CSRNP3: variants seen among roughly 807,000 people sequenced by gnomAD.
CSRNP3 encodes cysteine and serine rich nuclear protein 3.
Under a neutral mutation model 48.0 loss-of-function variants are expected in CSRNP3, and 12 were observed. The observed-to-expected ratio is 0.25, with a 90% CI of 0.16 to 0.41. The LOEUF is 0.41. Ranked by LOEUF, CSRNP3 falls within the 10% of genes least tolerant of loss-of-function variation. The pLI is 1.00. For missense variants in CSRNP3, 580 were observed against 724.4 expected, an observed-to-expected ratio of 0.80 and a Z score of 2.29; for synonymous variants, 263 against 269.7, an observed-to-expected ratio of 0.98 and a Z score of 0.24.
chr2:165,613,140 T>C lies in CSRNP3; in HGVS notation c.148+17927T>C, dbSNP rs558829906. On this transcript the variant is annotated intron_variant, in intron 4 of 6. Transcript: ENST00000651982. Reference sequence around the variant, plus strand: ...TAGTTGGAGTGACATGATGTCTGATTGTGGTTTTGATTTGCATTTCTTTGA... The same window carrying C: ...TAGTTGGAGTGACATGATGTCTGATCGTGGTTTTGATTTGCATTTCTTTGA... 9.2e-5 allele frequency among the ~76,000 whole-genome samples: 14 copies of C among 152,266 alleles called. No homozygotes were observed. In the East Asian group the frequency reaches 2.5e-3, roughly 27 times the overall value.
intron 5 of CSRNP3, among the ~76,000 whole-genome samples, chr2:165,670,201 T>C (rs545004175): frequency 1.3e-5 from 2 of 152,306 alleles, no homozygotes; most frequent in Admixed American, 1.3e-4. Flanking sequence ...ACTGCTACTC[T>C]ATTTTCAGAT....
At chr2:165,671,461 G>A (rs1187345719) in intron 5 of CSRNP3, among the ~76,000 whole-genome samples, 1 of 152,192 alleles carries the variant, frequency 6.6e-6, no homozygotes, top group Admixed American at 6.5e-5. Context: ...CAAGGCTTGG[G>A]GCTTGCACCC....
In CSRNP3 at chr2:165,687,761, G is replaced by C. The variant is rs147378115; in HGVS notation, c.*8008G>C. ...AGGCCTGAAAACGAAGGGAGGTGTC[G>C]TGGAGAAATGGTGATTTTTCTGGTT... is the stretch of plus-strand genomic sequence containing the variant. On this transcript the variant is annotated 3_prime_UTR_variant, in exon 7 of 7. Coordinates refer to ENST00000651982, the MANE Select transcript of CSRNP3 (RefSeq NM_001172173.2). 2.2e-3 allele frequency: 341 copies of C among 152,136 alleles called. 1 individual carries two copies. The highest frequency in any genetic ancestry group is 7.9e-3 in the African/African-American group (328 of 41,526). 9.4% of individuals were successfully genotyped at this position (152,136 alleles called of 1,614,324 possible). A position where few individuals can be genotyped will look rare whatever the true frequency, so the allele number is the denominator to read the frequency against.
intron 3 of CSRNP3, among the ~76,000 whole-genome samples, chr2:165,588,583 A>G (rs1441624093): frequency 7.2e-5 from 11 of 152,184 alleles, no homozygotes. Flanking sequence ...CTACACTTAG[A>G]CTTTCAGCTC....
chr2:165,604,894 G>A (rs960095496), intron 4 of CSRNP3, among the ~76,000 whole-genome samples: 2 of 152,090 alleles, frequency 1.3e-5, no homozygotes, highest in African/African-American at 4.8e-5. Flanking sequence ...ATTTGATTTA[G>A]CTCTTTATTT....
rs116525506 is a variant in CSRNP3, at chr2:165,559,654, A to T, written c.-23-35389A>T. Among the ~76,000 whole-genome samples, 583 of 152,260 alleles carry T rather than the reference A, an allele frequency of 3.8e-3. 6 individuals are homozygous for T. Among genetic ancestry groups the T allele is most frequent in the African/African-American group, 0.013 (561 of 41,568 alleles). ...CTCTATTTGTCACCATTTAGCTTTG[A>T]CACATTAGAATGTAAAATAATACAA... On this transcript the variant is annotated intron_variant, in intron 3 of 6. Coordinates refer to ENST00000651982, the MANE Select transcript of CSRNP3 (RefSeq NM_001172173.2).
Position 165,679,855 on chromosome 2 carries a change from T to G in CSRNP3, c.*102T>G. The stretch of plus-strand genomic sequence containing the variant: ...TGTTTAAACTGAAGACCAAGAAAAC[T>G]TGGACGGTGGTTAATCTTCCAGACT... On this transcript the variant is annotated 3_prime_UTR_variant, in exon 7 of 7. Transcript: ENST00000651982. 2 of 1,484,158 alleles carry G rather than the reference T, an allele frequency of 1.3e-6. No individual in the cohort carries two copies. Among genetic ancestry groups the G allele is most frequent in the Non-Finnish European group, 1.8e-6 (2 of 1,111,560 alleles). 91.9% of individuals were successfully genotyped at this position (1,484,158 alleles called of 1,614,324 possible). A position where few individuals can be genotyped will look rare whatever the true frequency, so the allele number is the denominator to read the frequency against.
At chr2:165,487,255 AAAAG>A in intron 1 of CSRNP3, among the ~76,000 whole-genome samples, 1 of 145,454 alleles carries the variant, frequency 6.9e-6, no homozygotes, top group Non-Finnish European at 1.5e-5. Context: ...AAAAAGAATA[AAAAG>A]AAAGGAGCAA....
In CSRNP3 at chr2:165,681,154, T is replaced by C. The variant is rs1687530364; in HGVS notation, c.*1401T>C. On this transcript the variant is annotated 3_prime_UTR_variant, in exon 7 of 7. Coordinates refer to ENST00000651982, the MANE Select transcript of CSRNP3 (RefSeq NM_001172173.2). ...ACCTGCACTTGGTTCGTCGGAGGAC[T>C]TCTAGGATCCCGTTTCCCTGTAAAT... is the stretch of plus-strand genomic sequence containing the variant. The C allele has an allele frequency of 6.6e-6, 1 of 152,172 alleles. No individual in the cohort carries two copies. Among genetic ancestry groups the C allele is most frequent in the African/African-American group, 2.4e-5 (1 of 41,446 alleles). The allele number at this position is 152,172 out of a possible 1,614,324, so 9.4% of individuals were successfully genotyped here.
At chr2:165,673,581 T>C (rs544293679) in intron 5 of CSRNP3, among the ~76,000 whole-genome samples, 3 of 152,346 alleles carry the variant, frequency 2.0e-5, no homozygotes, top group Admixed American at 2.0e-4. Context: ...TACAGTTGTT[T>C]GTTTTTTAAT....
At chr2:165,610,254 G>C (rs932822671) in intron 4 of CSRNP3, among the ~76,000 whole-genome samples, 1 of 152,106 alleles carries the variant, frequency 6.6e-6, no homozygotes, top group Non-Finnish European at 1.5e-5. Flanking sequence ...AGTGAGTGTT[G>C]AAAACAGCAT....
chr2:165,589,086 A>T (rs1685676326), intron 3 of CSRNP3, among the ~76,000 whole-genome samples: 1 of 152,262 alleles, frequency 6.6e-6, no homozygotes, highest in Non-Finnish European at 1.5e-5. Flanking sequence ...ATATGTAGGT[A>T]TTTAAGGAGT....
chr2:165,603,712 A>C (rs1196717850), intron 4 of CSRNP3, among the ~76,000 whole-genome samples: 1 of 152,156 alleles, frequency 6.6e-6, no homozygotes, highest in Non-Finnish European at 1.5e-5. Context: ...TTTATTCAAA[A>C]CACTTGAAAA....
chr2:165,622,124 T>C (rs1686350940), intron 4 of CSRNP3, among the ~76,000 whole-genome samples: 1 of 152,190 alleles, frequency 6.6e-6, no homozygotes, highest in African/African-American at 2.4e-5. Flanking sequence ...TACCATGACA[T>C]TTGGAAAAGA....
intron 4 of CSRNP3, among the ~76,000 whole-genome samples, chr2:165,639,083 C>T (rs545775991): frequency 1.2e-4 from 18 of 152,180 alleles, no homozygotes; most frequent in South Asian, 1.0e-3. Context: ...CCAACAACAC[C>T]ATAACTTATG....
rs546583374 is a variant in CSRNP3 at position 165,551,383 on chromosome 2, C to T, written c.-24+33422C>T. ...TTTCACAAAATCTTTTAGTCTCCCT[C>T]TATACCCAAGTGAATAGTGGGAACT... On this transcript the variant is annotated intron_variant, in intron 3 of 6. Transcript: ENST00000651982. 2.0e-5 allele frequency among the ~76,000 whole-genome samples: 3 copies of T among 152,308 alleles called. No individual in the cohort carries two copies. In the East Asian group the frequency reaches 5.8e-4, roughly 29 times the overall value.
chr2:165,474,921 A>T (rs990120188), intron 1 of CSRNP3, among the ~76,000 whole-genome samples: 4 of 152,174 alleles, frequency 2.6e-5, no homozygotes, highest in Non-Finnish European at 5.9e-5. Flanking sequence ...GTCAAAATGC[A>T]TTTCAGCTTT....
intron 4 of CSRNP3, among the ~76,000 whole-genome samples, chr2:165,616,202 C>T (rs1686240281): frequency 6.6e-6 from 1 of 152,050 alleles, no homozygotes; most frequent in African/African-American, 2.4e-5. Context: ...GGACTTAATC[C>T]TATCATTTTG....
At chr2:165,563,381 T>C (rs544830679) in intron 3 of CSRNP3, among the ~76,000 whole-genome samples, 32 of 152,140 alleles carry the variant, frequency 2.1e-4, no homozygotes, top group South Asian at 1.0e-3. Context: ...TGTGTTCAAA[T>C]AAGGTAAACG....
Sources: allele counts gnomAD v4.1 joint callset (sites outside exome capture counted in the v4.1 genomes callset), GRCh38; gene constraint gnomAD v4.1.1; transcripts MANE v1.5; gene names NCBI Gene and HGNC (gene_info 2026-07-23, HGNC 2026-07-21).